FIGN: variants seen among roughly 807,000 people sequenced by gnomAD.
The protein encoded by FIGN is fidgetin, microtubule severing factor.
Under a neutral mutation model 51.3 loss-of-function variants are expected in FIGN, and 11 were observed. That is an observed-to-expected ratio of 0.21 (90% CI 0.13 to 0.35). The LOEUF (loss-of-function observed/expected upper bound fraction) is 0.35, where lower values mean the gene tolerates loss of function less well. Ranked by LOEUF, FIGN falls within the 10% of genes least tolerant of loss-of-function variation. FIGN has a pLI of 1.00. For synonymous variants in FIGN, 407 were observed against 363.2 expected, an observed-to-expected ratio of 1.12 and a Z score of -1.37; for missense variants, 857 against 943.6, an observed-to-expected ratio of 0.91 and a Z score of 1.20.
At chr2:163,651,611 G>T (rs2105321922) in intron 2 of FIGN, among the ~76,000 whole-genome samples, 2 of 152,234 alleles carry the variant, frequency 1.3e-5, no homozygotes, top group Admixed American at 6.5e-5. Context: ...TGTTCTATAT[G>T]CAATAAGACA....
rs964150753 is a variant in FIGN, at chr2:163,605,521, G to C, written c.*4031C>G. On this transcript the variant is annotated 3_prime_UTR_variant, in exon 3 of 3. Transcript: ENST00000333129. ...GTGTATCTCTGCACATATGAAGAAA[G>C]GAAGTAACAAGTTGCTTCTGAATAA... The C allele has an allele frequency of 6.6e-6, 1 of 151,982 alleles. No individual in the cohort carries two copies. The highest frequency in any genetic ancestry group is 2.4e-5 in the African/African-American group (1 of 41,392). The allele number at this position is 151,982 out of a possible 1,614,324, so 9.4% of individuals were successfully genotyped here. A position where few individuals can be genotyped will look rare whatever the true frequency, so the allele number is the denominator to read the frequency against.
chr2:163,645,437 C>T (rs933277476), intron 2 of FIGN, among the ~76,000 whole-genome samples: 61 of 152,036 alleles, frequency 4.0e-4, no homozygotes, highest in African/African-American at 1.5e-3. Context: ...TTCACAGTGC[C>T]CAGATATGCC....
chr2:163,709,237 C>T (rs1344355452), intron 2 of FIGN, among the ~76,000 whole-genome samples: 1 of 152,160 alleles, frequency 6.6e-6, no homozygotes, highest in African/African-American at 2.4e-5. Flanking sequence ...AATCCAGACA[C>T]TCTTTTTGAG....
chr2:163,628,585 T>C (rs1683094076), intron 2 of FIGN, among the ~76,000 whole-genome samples: 1 of 152,000 alleles, frequency 6.6e-6, no homozygotes, highest in Non-Finnish European at 1.5e-5. Context: ...AATAAAGATA[T>C]ACAGGACAAA....
intron 2 of FIGN, chr2:163,612,492 G>A (rs1682770299): frequency 1.0e-6 from 1 of 985,294 alleles, no homozygotes; most frequent in Admixed American, 6.1e-5. Context: ...CAATCTCCCA[G>A]GCAGCGCTCC....
chr2:163,629,317 T>G (rs952260007), intron 2 of FIGN, among the ~76,000 whole-genome samples: 5 of 152,096 alleles, frequency 3.3e-5, no homozygotes, highest in African/African-American at 4.8e-5. Context: ...TCAAGTATGA[T>G]TAGGAAAGAA....
At chr2:163,733,550 A>G (rs1421566110) in intron 2 of FIGN, among the ~76,000 whole-genome samples, 4 of 152,224 alleles carry the variant, frequency 2.6e-5, no homozygotes, top group African/African-American at 9.6e-5. Flanking sequence ...TCGCTCCAAC[A>G]GCTCCGGGGG....
chr2:163,702,020 TA>T (rs1212110798), intron 2 of FIGN, among the ~76,000 whole-genome samples: 1 of 152,160 alleles, frequency 6.6e-6, no homozygotes, highest in Non-Finnish European at 1.5e-5. Context: ...TTAAAATTTC[TA>T]AAAATAGAAC....
intron 2 of FIGN, among the ~76,000 whole-genome samples, chr2:163,682,423 T>C (rs13034170): frequency 0.53 from 80,718 of 152,154 alleles, 25,392 homozygotes; most frequent in Non-Finnish European, 0.68. Context: ...GCTTTGTCTA[T>C]GCTGGAGGAG....
chr2:163,701,466 T>G (rs756237251), intron 2 of FIGN, among the ~76,000 whole-genome samples: 6 of 152,166 alleles, frequency 3.9e-5, no homozygotes, highest in Non-Finnish European at 8.8e-5. Flanking sequence ...GAATGCCTGG[T>G]GCAACCAGAG....
At chr2:163,685,104 G>A (rs748575563) in intron 2 of FIGN, among the ~76,000 whole-genome samples, 3 of 151,974 alleles carry the variant, frequency 2.0e-5, no homozygotes, top group Non-Finnish European at 4.4e-5. Context: ...TTTCTTTAAG[G>A]TTGGGTCCAT....
At chr2:163,625,653 G>C (rs1430226454) in intron 2 of FIGN, among the ~76,000 whole-genome samples, 1 of 151,904 alleles carries the variant, frequency 6.6e-6, no homozygotes, top group Non-Finnish European at 1.5e-5. Context: ...ATAAATGTAT[G>C]TTGATTATTC....
chr2:163,722,271 C>A (rs555301776), intron 2 of FIGN, among the ~76,000 whole-genome samples: 20 of 152,330 alleles, frequency 1.3e-4, no homozygotes, highest in African/African-American at 4.8e-4. Flanking sequence ...AACTAGTTTG[C>A]ATCTCACATT....
intron 2 of FIGN, among the ~76,000 whole-genome samples, chr2:163,624,444 A>C (rs1240910151): frequency 1.3e-5 from 2 of 151,130 alleles, no homozygotes; most frequent in Non-Finnish European, 3.0e-5. Flanking sequence ...AAAAAAAGAG[A>C]GACACAAAAG....
chr2:163,722,401 G>A (rs1320629889), intron 2 of FIGN, among the ~76,000 whole-genome samples: 3 of 152,074 alleles, frequency 2.0e-5, no homozygotes, highest in Non-Finnish European at 4.4e-5. Context: ...GCCTTAGGAG[G>A]TACTTATTTC....
At chr2:163,653,776 C>T (rs915620128) in intron 2 of FIGN, among the ~76,000 whole-genome samples, 36 of 152,066 alleles carry the variant, frequency 2.4e-4, no homozygotes, top group African/African-American at 8.0e-4. Context: ...ACAACAACAA[C>T]AACAAAATAT....
chr2:163,687,863 T>C (rs1468544740), intron 2 of FIGN, among the ~76,000 whole-genome samples: 1 of 152,136 alleles, frequency 6.6e-6, no homozygotes, highest in Non-Finnish European at 1.5e-5. Flanking sequence ...ATATCTTGGG[T>C]CACAAAGACC....
At chr2:163,639,710 C>T (rs1683278769) in intron 2 of FIGN, among the ~76,000 whole-genome samples, 1 of 152,054 alleles carries the variant, frequency 6.6e-6, no homozygotes, top group African/African-American at 2.4e-5. Context: ...ACAACAACAA[C>T]AAAATCTAAA....
At chr2:163,686,326 TAGTAG>T (rs1684148354) in intron 2 of FIGN, among the ~76,000 whole-genome samples, 1 of 152,190 alleles carries the variant, frequency 6.6e-6, no homozygotes, top group Non-Finnish European at 1.5e-5. Context: ...GAAGGACTTC[TAGTAG>T]AGCTATAATT....
Sources: gnomAD v4.1 joint callset for allele counts (sites outside exome capture counted in the v4.1 genomes callset) on GRCh38, gnomAD v4.1.1 for gene constraint, MANE v1.5 for transcripts, NCBI Gene and HGNC (gene_info 2026-07-23, HGNC 2026-07-21) for gene names.